Variants in PTPRD observed in about 807,000 individuals in gnomAD.
PTPRD encodes the protein protein tyrosine phosphatase receptor type D.
A neutral mutation model predicts 214.5 loss-of-function variants in PTPRD; 34 were observed. The observed-to-expected ratio is 0.16, with a 90% CI of 0.12 to 0.21. The LOEUF is 0.21. PTPRD is among the 10% of genes least tolerant of loss of function. The pLI is 1.00. For missense variants in PTPRD, 2,545 were observed against 2,398.7 expected, an observed-to-expected ratio of 1.06 and a Z score of -1.27; for synonymous variants, 1,128 against 845.7, an observed-to-expected ratio of 1.33 and a Z score of -5.79.
chr9:8,502,464 T>C (rs1036535137), intron 23 of PTPRD, among the ~76,000 whole-genome samples: 10 of 152,172 alleles, frequency 6.6e-5, no homozygotes, highest in African/African-American at 2.4e-4. Flanking sequence ...GTGTTCATTA[T>C]TACAGTCCAT....
intron 2 of PTPRD, among the ~76,000 whole-genome samples, chr9:10,547,257 C>G (rs1484554771): frequency 6.6e-6 from 1 of 151,870 alleles, no homozygotes; most frequent in African/African-American, 2.4e-5. Context: ...ACAAATTATT[C>G]TAAGGTTTTA....
intron 3 of PTPRD, among the ~76,000 whole-genome samples, chr9:10,131,138 AAG>A (rs2098874855): frequency 6.6e-6 from 1 of 152,138 alleles, no homozygotes; most frequent in South Asian, 2.1e-4. Context: ...GGGAGGAATA[AAG>A]AGAGTGAGGA....
rs1279163349 is a variant in PTPRD, at chr9:8,485,172, A to G, written c.3153+55T>C. ...TGCTGTGCAAATAACTTACCCAGAT[A>G]AACTGTCCCCTCTACTTTTATCTGT... On this transcript the variant is annotated intron_variant, in intron 29 of 45. Coordinates refer to ENST00000381196, the MANE Select transcript of PTPRD (RefSeq NM_002839.4). 2.0e-6 allele frequency: 3 copies of G among 1,475,926 alleles called. No individual in the cohort carries two copies. In the East Asian group the frequency reaches 6.8e-5, roughly 33 times the overall value. The allele number at this position is 1,475,926 out of a possible 1,614,324, so 91.4% of individuals were successfully genotyped here. A position where few individuals can be genotyped will look rare whatever the true frequency, so the allele number is the denominator to read the frequency against.
At position 8,833,204 on chromosome 9, in the gene PTPRD, A is replaced by G. The variant is rs540686157; in HGVS notation, c.-103-99258T>C. On this transcript the variant is annotated intron_variant, in intron 11 of 45. Coordinates refer to ENST00000381196, the MANE Select transcript of PTPRD (RefSeq NM_002839.4). Reference sequence around the variant, plus strand: ...TTTCTCTTCTGACTCATTGTATAGGAAGACCTTGCTAATGAAATAACCATA... The same window carrying G: ...TTTCTCTTCTGACTCATTGTATAGGGAGACCTTGCTAATGAAATAACCATA... 9.2e-5 allele frequency among the ~76,000 whole-genome samples: 14 copies of G among 152,216 alleles called. No individual in the cohort carries two copies. In the South Asian group the frequency reaches 2.7e-3, roughly 29 times the overall value.
intron 27 of PTPRD, among the ~76,000 whole-genome samples, chr9:8,491,954 T>C (rs929279056): frequency 1.2e-4 from 18 of 152,156 alleles, no homozygotes; most frequent in African/African-American, 3.9e-4. Flanking sequence ...TATATGAGGA[T>C]TGAGGAGAAT....
chr9:10,311,762 T>A lies in PTPRD; in HGVS notation c.-545+29201A>T, dbSNP rs143973531. Among the ~76,000 whole-genome samples the A allele has an allele frequency of 2.8e-3, 428 of 152,100 alleles. 2 individuals are homozygous for A. The highest frequency in any genetic ancestry group is 9.8e-3 in the African/African-American group (408 of 41,524). On this transcript the variant is annotated intron_variant, in intron 3 of 45. Transcript: ENST00000381196. Reference sequence around the variant, plus strand: ...CAACTCTAGGAATTATAAGATCAATTTACAATACAAAGATAACTAGGTTAG... The same window carrying A: ...CAACTCTAGGAATTATAAGATCAATATACAATACAAAGATAACTAGGTTAG...
intron 5 of PTPRD, among the ~76,000 whole-genome samples, chr9:9,844,209 T>A (rs964953693): frequency 1.3e-5 from 2 of 152,052 alleles, no homozygotes; most frequent in Non-Finnish European, 1.5e-5. Context: ...TGACAAAGAC[T>A]GAATATATTC....
chr9:8,489,177 G>A (rs879883629), intron 27 of PTPRD, among the ~76,000 whole-genome samples: 6 of 152,100 alleles, frequency 3.9e-5, no homozygotes, highest in Non-Finnish European at 8.8e-5. Flanking sequence ...GCAAAGTCTA[G>A]GAAAAAACCC....
chr9:9,281,977 G>A (rs1947864795), intron 9 of PTPRD, among the ~76,000 whole-genome samples: 1 of 151,320 alleles, frequency 6.6e-6, no homozygotes, highest in South Asian at 2.1e-4. Context: ...AACCATAAAT[G>A]CATATTACTA....
chr9:8,932,336 C>A lies in PTPRD; in HGVS notation c.-104+86361G>T, dbSNP rs910953439. Among the ~76,000 whole-genome samples the A allele has an allele frequency of 3.3e-5, 5 of 152,266 alleles. No individual in the cohort carries two copies. In the East Asian group the frequency reaches 5.8e-4, roughly 18 times the overall value. ...CCTCTAAACACTGCTTTAGCTGTGT[C>A]CCAGAGATTCTGGTACGTTGTGTCT... On this transcript the variant is annotated intron_variant, in intron 11 of 45. Transcript: ENST00000381196.
In PTPRD at chr9:9,606,965, TAAAAAAAAAAAAAA is replaced by T. The variant is rs754610072; in HGVS notation, c.-286-32198_-286-32185del. 2.2e-3 allele frequency among the ~76,000 whole-genome samples: 60 copies of T among 27,480 alleles called. 1 individual carries two copies. Among genetic ancestry groups the T allele is most frequent in the Admixed American group, 0.012 (14 of 1,160 alleles). 18.0% of individuals were successfully genotyped at this position (27,480 alleles called of 152,430 possible). On this transcript the variant is annotated intron_variant, in intron 7 of 45. Coordinates refer to ENST00000381196, the MANE Select transcript of PTPRD (RefSeq NM_002839.4). ...GCAGTATCTGATTACTCAGCACTGC[TAAAAAAAAAAAAAA>T]AAAAAAAAAAAAAAAAAAAAAAAAA...
At chr9:9,108,921 G>A (rs1258156971) in intron 10 of PTPRD, among the ~76,000 whole-genome samples, 3 of 152,094 alleles carry the variant, frequency 2.0e-5, no homozygotes, top group African/African-American at 4.8e-5. Context: ...TTAATTAACT[G>A]GCATTTCCAC....
intron 3 of PTPRD, among the ~76,000 whole-genome samples, chr9:10,307,405 G>A (rs1045109292): frequency 6.6e-6 from 1 of 151,996 alleles, no homozygotes; most frequent in African/African-American, 2.4e-5. Flanking sequence ...TGACAGGACT[G>A]TGTTCTTTCT....
chr9:8,461,444 A>G (rs1340908166), intron 32 of PTPRD, among the ~76,000 whole-genome samples: 2 of 151,882 alleles, frequency 1.3e-5, no homozygotes, highest in African/African-American at 2.4e-5. Flanking sequence ...GTTCTGTCCT[A>G]TTTTAGCCTA....
chr9:10,017,077 T>A lies in PTPRD; in HGVS notation c.-472+16641A>T, dbSNP rs576269777. Among the ~76,000 whole-genome samples the A allele has an allele frequency of 2.6e-5, 4 of 152,354 alleles. No individual in the cohort carries two copies. In the East Asian group the frequency reaches 5.8e-4, roughly 22 times the overall value. On this transcript the variant is annotated intron_variant, in intron 4 of 45. Coordinates refer to ENST00000381196, the MANE Select transcript of PTPRD (RefSeq NM_002839.4). ...AATTGTTTTCCAAACTGTTCCAATC[T>A]ACATTCCCACCAGTAATGTGAATAA...
intron 3 of PTPRD, among the ~76,000 whole-genome samples, chr9:10,061,515 A>T (rs894494377): frequency 3.3e-5 from 5 of 152,046 alleles, no homozygotes; most frequent in Non-Finnish European, 4.4e-5. Context: ...GATTGCTTTG[A>T]AGACTAAGTT....
In PTPRD at chr9:9,897,346, T is replaced by C. The variant is rs923711381; in HGVS notation, c.-368+41161A>G. Among the ~76,000 whole-genome samples, 3 of 152,202 alleles carry C rather than the reference T, an allele frequency of 2.0e-5. No homozygotes were observed. In the East Asian group the frequency reaches 5.8e-4, roughly 29 times the overall value. On this transcript the variant is annotated intron_variant, in intron 5 of 45. Transcript: ENST00000381196. ...CAAAGAATATATAAAGACAGTATTA[T>C]GAACCTACACACTTCCACCAAGAGT...
intron 3 of PTPRD, among the ~76,000 whole-genome samples, chr9:10,228,652 A>G (rs1594799229): frequency 6.6e-6 from 1 of 151,462 alleles, no homozygotes; most frequent in East Asian, 1.9e-4. Flanking sequence ...GTATTTCTTT[A>G]TGATTAAAAG....
At chr9:9,999,811 T>C (rs1214971366) in intron 4 of PTPRD, among the ~76,000 whole-genome samples, 1 of 152,214 alleles carries the variant, frequency 6.6e-6, no homozygotes, top group African/African-American at 2.4e-5. Flanking sequence ...ACGGGACTTT[T>C]TACCGAAGGT....
Sources: allele counts gnomAD v4.1 joint callset (sites outside exome capture counted in the v4.1 genomes callset), GRCh38; gene constraint gnomAD v4.1.1; transcripts MANE v1.5; gene names NCBI Gene and HGNC (gene_info 2026-07-23, HGNC 2026-07-21).